Variants in TMC2 observed in about 807,000 individuals in gnomAD.
TMC2 encodes the protein transmembrane channel like 2.
In TMC2, 102 loss-of-function variants were observed where a neutral mutation model predicts 105.9. That is an observed-to-expected ratio of 0.96 (90% CI 0.82 to 1.14). The LOEUF (loss-of-function observed/expected upper bound fraction) is 1.14, where lower values mean the gene tolerates loss of function less well. TMC2 is among the 50% of genes most tolerant of loss of function. TMC2 has a pLI of 0.00. For missense variants in TMC2, 1,093 were observed against 1,134.3 expected (o/e 0.96, Z 0.52); for synonymous variants, 402 against 422.8 (o/e 0.95, Z 0.60).
intron 11 of TMC2, among the ~76,000 whole-genome samples, chr20:2,605,372 G>C (rs2086382459): frequency 6.6e-6 from 1 of 152,202 alleles, no homozygotes; most frequent in Admixed American, 6.5e-5. Flanking sequence ...GAGGCTGGAA[G>C]TCCGAGATCA....
intron 19 of TMC2, among the ~76,000 whole-genome samples, chr20:2,638,817 T>G (rs1416352463): frequency 1.3e-5 from 2 of 152,240 alleles, no homozygotes; most frequent in East Asian, 3.8e-4. Context: ...TCAGTGTATT[T>G]GTGTTTTAAG....
intron 11 of TMC2, among the ~76,000 whole-genome samples, chr20:2,602,688 T>C (rs2086360690): frequency 6.6e-6 from 1 of 152,258 alleles, no homozygotes; most frequent in Non-Finnish European, 1.5e-5. Flanking sequence ...AACAAACTGA[T>C]ATACTATGCA....
intron 1 of TMC2, 96 bp downstream of exon 1, chr20:2,536,751 G>A: frequency 1.4e-6 from 2 of 1,396,998 alleles, no homozygotes; most frequent in Admixed American, 2.0e-5. Context: ...GAGGCATAGG[G>A]AGGAGCTGGG....
intron 3 of TMC2, among the ~76,000 whole-genome samples, chr20:2,561,238 T>C (rs1470753284): frequency 1.3e-5 from 2 of 152,232 alleles, no homozygotes; most frequent in Non-Finnish European, 2.9e-5. Context: ...AGGAAAACCA[T>C]ATTCTGCTAC....
Position 2,635,939 on chromosome 20 carries a change from T to C in TMC2, c.2320T>C (p.Tyr774His). The change falls in exon 18 of 20, where the codon TAC (tyrosine) becomes CAC (histidine). Residue 774 changes from tyrosine to histidine, a missense_variant. Physicochemically the swap from Tyr to His is moderately conservative, Grantham distance 83. Transcript: ENST00000358864. Reference sequence around the variant, plus strand: ...TTTCTCTTGCAGCTTGGCCATTTACTACCTGAACTCAGTTTCCAAAAGCCT... The same window carrying C: ...TTTCTCTTGCAGCTTGGCCATTTACCACCTGAACTCAGTTTCCAAAAGCCT... ...AILLMFLAIY[Y>H]LNSVSKSLSR... 6.2e-7 allele frequency: 1 copy of C among 1,614,048 alleles called. No homozygotes were observed. The highest frequency in any genetic ancestry group is 8.5e-7 in the Non-Finnish European group (1 of 1,179,910).
intron 17 of TMC2, among the ~76,000 whole-genome samples, chr20:2,635,641 C>T (rs1371066080): frequency 1.3e-5 from 2 of 152,206 alleles, no homozygotes; most frequent in Non-Finnish European, 2.9e-5. Context: ...CCCTGCCACC[C>T]TCTGGCCACC....
At position 2,612,312 on chromosome 20, in the gene TMC2, G is replaced by T. The variant is rs760754029; in HGVS notation, c.1715G>T (p.Gly572Val). ...PPLHPADVPR[G>V]SCWETAVGIE... ...CTGCACCCTGCAGATGTGCCCCGGG[G>T]TTCTTGCTGGGAGACAGCTGTGGGC... The change falls in exon 13 of 20, where the codon GGT becomes GTT. Residue 572 changes from glycine (G) to valine (V), a missense_variant. Transcript: ENST00000358864. 1.3e-6 allele frequency: 2 copies of T among 1,586,862 alleles called. No individual in the cohort carries two copies. Among genetic ancestry groups the T allele is most frequent in the East Asian group, 2.3e-5 (1 of 44,164 alleles).
At chr20:2,574,318 A>C (rs73583398) in intron 5 of TMC2, among the ~76,000 whole-genome samples, 22,424 of 152,158 alleles carry the variant, frequency 0.15, 2,355 homozygotes, top group African/African-American at 0.29. Context: ...TAAGATTGAT[A>C]TGAATTTGTG....
Position 2,612,358 on chromosome 20 carries a change from CTA to C in TMC2, c.1743+19_1743+20del, listed in dbSNP as rs766933614. On this transcript the variant is annotated intron_variant, in intron 13 of 19. Transcript: ENST00000358864. ...TGGGCATTGTGAGTAGTTACACTCT[CTA>C]AAAAGGTGACCCCTGTTCTCAGTTC... 4.5e-6 allele frequency: 7 copies of C among 1,539,442 alleles called. No homozygotes were observed. The highest frequency in any genetic ancestry group is 5.3e-6 in the Non-Finnish European group (6 of 1,132,998).
At chr20:2,628,504 T>C (rs915333533) in intron 17 of TMC2, among the ~76,000 whole-genome samples, 1 of 152,186 alleles carries the variant, frequency 6.6e-6, no homozygotes, top group Non-Finnish European at 1.5e-5. Flanking sequence ...GTAATCCCCA[T>C]AATCCCCACA....
intron 1 of TMC2, among the ~76,000 whole-genome samples, chr20:2,537,028 TTCTA>T (rs2122783342): frequency 6.6e-6 from 1 of 152,268 alleles, no homozygotes; most frequent in East Asian, 1.9e-4. Context: ...CTCAGCAGAT[TTCTA>T]TCTGTCTCTG....
At chr20:2,640,510 G>C (rs1382463816) in intron 19 of TMC2, among the ~76,000 whole-genome samples, 1 of 152,080 alleles carries the variant, frequency 6.6e-6, no homozygotes, top group Non-Finnish European at 1.5e-5. Flanking sequence ...TGCTGATATG[G>C]GGACCCTGGC....
chr20:2,572,721 G>A (rs892636899), intron 5 of TMC2, among the ~76,000 whole-genome samples: 4 of 152,044 alleles, frequency 2.6e-5, no homozygotes, highest in African/African-American at 9.7e-5. Context: ...TTAGGGTAAT[G>A]TTTCATGTTG....
At chr20:2,594,717 A>G in intron 8 of TMC2, 108 bp from the exon 9 acceptor site, 2 of 1,218,386 alleles carry the variant, frequency 1.6e-6, no homozygotes, top group South Asian at 3.0e-5. Context: ...TTCGGCCCTT[A>G]GATTCGGTTA....
At chr20:2,599,372 G>C (rs933844713) in intron 10 of TMC2, among the ~76,000 whole-genome samples, 2 of 150,120 alleles carry the variant, frequency 1.3e-5, no homozygotes, top group South Asian at 4.2e-4. Context: ...CTTTACAAGA[G>C]AGGTTTGAGG....
chr20:2,558,568 C>T lies in TMC2; in HGVS notation c.195C>T (p.Ser65=), dbSNP rs542641115. 6 of 1,552,976 alleles carry T rather than the reference C, an allele frequency of 3.9e-6. No individual in the cohort carries two copies. The East Asian group carries it at 1.2e-4, about 31-fold the overall frequency. The change falls in exon 3 of 20, where the codon AGC becomes AGT. Residue 65 remains serine (S), a synonymous_variant. Coordinates refer to ENST00000358864, the MANE Select transcript of TMC2 (RefSeq NM_080751.3). The surrounding 1 kb of genome is among the most constrained non-coding windows in gnomAD (Gnocchi z 4.6). ...AGGAGCGCGCCGGGGGCAGCCCAAG[C>T]CCGGGGTCTCCCCGGAGGAAGCAAA... ...SQKERAGGSP[S]PGSPRRKQTG...
At chr20:2,565,778 A>T (rs1013218278) in intron 4 of TMC2, among the ~76,000 whole-genome samples, 1 of 152,036 alleles carries the variant, frequency 6.6e-6, no homozygotes, top group Admixed American at 6.6e-5. Flanking sequence ...GGTGGCTCAC[A>T]CCTATAATCC....
chr20:2,565,176 C>A (rs2122842704), intron 4 of TMC2, among the ~76,000 whole-genome samples: 1 of 152,316 alleles, frequency 6.6e-6, no homozygotes, highest in South Asian at 2.1e-4. Context: ...CTATCAATTC[C>A]TTTTTATATA....
chr20:2,642,407 CT>C lies in TMC2; in HGVS notation c.*1058del, dbSNP rs1436053313. Among the ~76,000 whole-genome samples the C allele has an allele frequency of 6.2e-4, 94 of 152,228 alleles. 1 individual carries two copies. The highest frequency in any genetic ancestry group is 2.2e-3 in the African/African-American group (91 of 41,530). On this transcript the variant is annotated 3_prime_UTR_variant, in exon 20 of 20. Coordinates refer to ENST00000358864, the MANE Select transcript of TMC2 (RefSeq NM_080751.3). ...GGAGCGAGTGAGTTGCCCAGTGCCT[CT>C]TATCTTGGAAGGAAACCTGCCTTAC...
Sources: gnomAD v4.1 joint callset for allele counts (sites outside exome capture counted in the v4.1 genomes callset) on GRCh38, gnomAD v4.1.1 for gene constraint, Gnocchi (gnomAD v3.1) non-coding constraint, MANE v1.5 for transcripts, NCBI Gene and HGNC (gene_info 2026-07-23, HGNC 2026-07-21) for gene names.